The following RAE1 variants were observed in gnomAD, a reference collection of about 807,000 sequenced individuals.
RAE1 encodes ribonucleic acid export 1.
A neutral mutation model predicts 52.7 loss-of-function variants in RAE1; 13 were observed. The ratio of observed to expected loss-of-function variants is 0.25; its 90% CI spans 0.16 to 0.39. The LOEUF is 0.39. RAE1 is among the 10% of genes least tolerant of loss of function. The pLI is 1.00. For missense variants in RAE1, 262 were observed against 459.8 expected (o/e 0.57, Z 3.93); for synonymous variants, 164 against 153.1 (o/e 1.07, Z -0.52).
intron 4 of RAE1, chr20:57,359,853 C>T (rs2066865302): frequency 6.6e-6 from 1 of 152,234 alleles, no homozygotes; most frequent in African/African-American, 2.4e-5. Flanking sequence ...TTCTTTCATC[C>T]TTCCCTTACA....
At chr20:57,355,432 A>G (rs558808180) in intron 3 of RAE1, among the ~76,000 whole-genome samples, 2 of 152,364 alleles carry the variant, frequency 1.3e-5, no homozygotes, top group South Asian at 4.1e-4. Flanking sequence ...TAATAGTGCC[A>G]GCAAGGATAA....
At chr20:57,354,668 G>A (rs1456152228) in intron 2 of RAE1, 44 bp from the exon 3 acceptor site, 3 of 1,388,348 alleles carry the variant, frequency 2.2e-6, no homozygotes, top group Admixed American at 4.7e-5. Context: ...TTGGAATGAA[G>A]TTGTGAGCGT....
intron 11 of RAE1, among the ~76,000 whole-genome samples, chr20:57,375,431 C>T (rs1016704213): frequency 1.3e-5 from 2 of 152,084 alleles, no homozygotes; most frequent in South Asian, 2.1e-4. Flanking sequence ...CCCTGGCTTC[C>T]GATGGGGAGG....
rs532383991 is a variant in RAE1, at chr20:57,366,354, T to C, written c.376-453T>C. 1.3e-3 allele frequency among the ~76,000 whole-genome samples: 191 copies of C among 152,364 alleles called. 2 individuals carry two copies. The highest frequency in any genetic ancestry group is 2.5e-3 in the South Asian group (12 of 4,826). On this transcript the variant is annotated intron_variant, in intron 5 of 11. Transcript: ENST00000395841. ...AGAGAAAAGAAATTTAGTTTGCTCA[T>C]GTTCTGCAGGTTGTATGAGTATGGT... is the stretch of plus-strand genomic sequence containing the variant.
At chr20:57,367,637 G>C (rs772283313) in intron 7 of RAE1, among the ~76,000 whole-genome samples, 1 of 151,676 alleles carries the variant, frequency 6.6e-6, no homozygotes, top group Non-Finnish European at 1.5e-5. Context: ...CTATTCGGGA[G>C]GCTGACGCAT....
At chr20:57,373,849 A>T in intron 10 of RAE1, 111 bp downstream of exon 10, 2 of 1,126,080 alleles carry the variant, frequency 1.8e-6, no homozygotes, top group Non-Finnish European at 2.6e-6. Context: ...TTGTGTGTTC[A>T]TGTCCGGAGA....
chr20:57,375,673 C>T (rs1336524756), intron 11 of RAE1, among the ~76,000 whole-genome samples: 1 of 152,208 alleles, frequency 6.6e-6, no homozygotes, highest in Non-Finnish European at 1.5e-5. Flanking sequence ...TCAGCACCTA[C>T]CCTCTTGGTT....
chr20:57,357,081 G>C (rs1431592045), intron 4 of RAE1, among the ~76,000 whole-genome samples: 1 of 152,230 alleles, frequency 6.6e-6, no homozygotes, highest in Non-Finnish European at 1.5e-5. Context: ...GCTAAGCCTT[G>C]AGGCCCCTTC....
At chr20:57,373,394 G>C in intron 8 of RAE1, 81 bp from the exon 9 acceptor site, 1 of 1,363,322 alleles carries the variant, frequency 7.3e-7, no homozygotes, top group East Asian at 2.3e-5. Flanking sequence ...CTAAACATGG[G>C]GTAAAAATGA....
At chr20:57,354,627 C>T (rs2066757709) in intron 2 of RAE1, 85 bp from the exon 3 acceptor site, 5 of 939,476 alleles carry the variant, frequency 5.3e-6, no homozygotes, top group Non-Finnish European at 7.8e-6. Context: ...GGAAAGGCCA[C>T]CGTGAGGTAA....
intron 4 of RAE1, among the ~76,000 whole-genome samples, chr20:57,364,106 T>G (rs1294741484): frequency 6.6e-6 from 1 of 152,216 alleles, no homozygotes; most frequent in African/African-American, 2.4e-5. Context: ...ACAGGGGCGC[T>G]AAAGACCCAA....
At chr20:57,375,702 C>G (rs950846644) in intron 11 of RAE1, among the ~76,000 whole-genome samples, 2 of 152,212 alleles carry the variant, frequency 1.3e-5, no homozygotes, top group African/African-American at 4.8e-5. Flanking sequence ...TCTGGCCCCT[C>G]CTCAGTCCAC....
intron 11 of RAE1, among the ~76,000 whole-genome samples, chr20:57,375,585 C>T (rs1351325066): frequency 6.6e-6 from 1 of 152,154 alleles, no homozygotes; most frequent in East Asian, 1.9e-4. Context: ...CCCCGTCCAC[C>T]AGCTCCTCCC....
chr20:57,355,535 C>T (rs1157390710), intron 3 of RAE1, among the ~76,000 whole-genome samples: 1 of 152,056 alleles, frequency 6.6e-6, no homozygotes, highest in Non-Finnish European at 1.5e-5. Context: ...CAGCTTATAC[C>T]CTTTATCTCA....
intron 1 of RAE1, 22 bp from the exon 2 acceptor site, chr20:57,354,009 TA>T (rs1390520726): frequency 6.3e-7 from 1 of 1,596,006 alleles, no homozygotes; most frequent in African/African-American, 1.3e-5. Context: ...AACCCATCCT[TA>T]ACATTTTTCA....
intron 7 of RAE1, 152 bp from the exon 8 acceptor site, chr20:57,368,553 A>G: frequency 3.7e-6 from 2 of 545,722 alleles, no homozygotes; most frequent in South Asian, 5.9e-5. Context: ...TTCTACTTTC[A>G]AATACTATTT....
intron 8 of RAE1, among the ~76,000 whole-genome samples, chr20:57,370,291 C>G (rs1204808960): frequency 6.6e-6 from 1 of 152,238 alleles, no homozygotes; most frequent in Non-Finnish European, 1.5e-5. Context: ...ACCCTGGACA[C>G]CCATCCTCTT....
At chr20:57,376,457 G>C (rs947098374) in intron 11 of RAE1, among the ~76,000 whole-genome samples, 1 of 152,154 alleles carries the variant, frequency 6.6e-6, no homozygotes, top group African/African-American at 2.4e-5. Flanking sequence ...GAATTTTCTA[G>C]AATTTTATAT....
At position 57,378,315 on chromosome 20, in the gene RAE1, A is replaced by C; in HGVS notation, c.*216A>C. The C allele has an allele frequency of 1.9e-6, 1 of 520,476 alleles. No individual in the cohort carries two copies. The highest frequency in any genetic ancestry group is 2.9e-5 in the East Asian group (1 of 34,194). 32.2% of individuals were successfully genotyped at this position (520,476 alleles called of 1,614,324 possible). On this transcript the variant is annotated 3_prime_UTR_variant, in exon 12 of 12. Transcript: ENST00000395841. ...CCTGTTGCAGAGTTTTTCTGTAACT[A>C]AGGGGGTTGAGGTTATTGTAGACGT...
Sources: allele counts gnomAD v4.1 joint callset (sites outside exome capture counted in the v4.1 genomes callset), GRCh38; gene constraint gnomAD v4.1.1; transcripts MANE v1.5; gene names NCBI Gene and HGNC (gene_info 2026-07-23, HGNC 2026-07-21).